The following BCAS1 variants were observed in gnomAD, a reference collection of about 807,000 sequenced individuals.
BCAS1 encodes breast carcinoma-amplified sequence 1.
Under a neutral mutation model 65.4 loss-of-function variants are expected in BCAS1, and 46 were observed. That is an observed-to-expected ratio of 0.70 (90% CI 0.55 to 0.90). BCAS1 has a LOEUF of 0.90. BCAS1 is among the 40% of genes least tolerant of loss of function. The probability of loss-of-function intolerance (pLI) is 0.00; values close to 1 mark genes in which losing one functional copy is unlikely to be tolerated. For missense variants in BCAS1, 793 were observed against 771.2 expected, an observed-to-expected ratio of 1.03 and a Z score of -0.33; for synonymous variants, 298 against 293.5, an observed-to-expected ratio of 1.02 and a Z score of -0.16.
Position 53,972,392 on chromosome 20 carries a change from GC to G in BCAS1, c.1317+2996del, listed in dbSNP as rs975738554. Among the ~76,000 whole-genome samples, 18 of 152,310 alleles carry G rather than the reference GC, an allele frequency of 1.2e-4. No homozygotes were observed. In the East Asian group the frequency reaches 3.5e-3, roughly 29 times the overall value. On this transcript the variant is annotated intron_variant, in intron 9 of 12. Coordinates refer to ENST00000688948, the MANE Select transcript of BCAS1 (RefSeq NM_001366298.2). ...AGAAAATCACCGATTACTGGGACATGCTCACTCACTATGTTGTCTCTTATTT... is the reference window on the plus strand; with the variant it reads ...AGAAAATCACCGATTACTGGGACATGTCACTCACTATGTTGTCTCTTATTT...
intron 3 of BCAS1, among the ~76,000 whole-genome samples, chr20:54,043,291 G>C (rs1418090418): frequency 1.4e-5 from 2 of 140,356 alleles, no homozygotes; most frequent in African/African-American, 5.5e-5. Flanking sequence ...TTGAAGCTAT[G>C]ATAACTTGAT....
chr20:54,043,359 AGAGGGATTT>A (rs1461509904), intron 3 of BCAS1, among the ~76,000 whole-genome samples: 14 of 152,040 alleles, frequency 9.2e-5, no homozygotes, highest in Admixed American at 9.2e-4. Context: ...CCATCTTTTT[AGAGGGATTT>A]GAGGTAGGGA....
At chr20:54,047,012 T>C (rs2092121710) in intron 3 of BCAS1, among the ~76,000 whole-genome samples, 1 of 152,178 alleles carries the variant, frequency 6.6e-6, no homozygotes, top group Admixed American at 6.5e-5. Flanking sequence ...CTGGTTCCTA[T>C]GGTCCTTCCT....
At chr20:54,029,819 C>A (rs1292546160) in intron 3 of BCAS1, among the ~76,000 whole-genome samples, 2 of 152,202 alleles carry the variant, frequency 1.3e-5, no homozygotes, top group African/African-American at 4.8e-5. Flanking sequence ...AGCTAGTAAG[C>A]AGCAGAGTCT....
intron 8 of BCAS1, among the ~76,000 whole-genome samples, chr20:53,979,671 CAT>C (rs2090428564): frequency 6.6e-6 from 1 of 152,166 alleles, no homozygotes; most frequent in Admixed American, 6.5e-5. Context: ...CCAGTAGGGA[CAT>C]ATGGCAGCCC....
chr20:53,996,156 AC>A lies in BCAS1; in HGVS notation c.724-107del. 5.7e-6 allele frequency: 7 copies of A among 1,228,486 alleles called. No homozygotes were observed. The South Asian group carries it at 1.2e-4, about 20-fold the overall frequency. The allele number at this position is 1,228,486 out of a possible 1,614,324, so 76.1% of individuals were successfully genotyped here. A position where few individuals can be genotyped will look rare whatever the true frequency, so the allele number is the denominator to read the frequency against. ...TCTCTTACCCCCTAATTCCAGCCATACTTCTTCTGCCCACAGGCGTGCAGAA... is the reference window on the plus strand; with the variant it reads ...TCTCTTACCCCCTAATTCCAGCCATATTCTTCTGCCCACAGGCGTGCAGAA... On this transcript the variant is annotated intron_variant, in intron 4 of 12. Transcript: ENST00000688948.
At chr20:54,017,279 T>C (rs997711765) in intron 4 of BCAS1, among the ~76,000 whole-genome samples, 5 of 152,150 alleles carry the variant, frequency 3.3e-5, no homozygotes, top group Admixed American at 3.3e-4. Context: ...AATTAAGCAA[T>C]AAAATGTTCT....
chr20:54,047,542 C>G (rs1047418205), intron 3 of BCAS1, among the ~76,000 whole-genome samples: 6 of 152,142 alleles, frequency 3.9e-5, no homozygotes, highest in Non-Finnish European at 8.8e-5. Flanking sequence ...TGCTCACTCC[C>G]AAGGAAGACA....
intron 1 of BCAS1, among the ~76,000 whole-genome samples, chr20:54,061,784 A>C (rs66593006): frequency 0.14 from 21,146 of 152,176 alleles, 1,945 homozygotes; most frequent in East Asian, 0.32. Flanking sequence ...CTATTTATAA[A>C]ATCCGTGACT....
rs35997009 is a variant in BCAS1, at chr20:54,018,401, CTTTT to C, written c.723+9987_723+9990del. Among the ~76,000 whole-genome samples the C allele has an allele frequency of 3.2e-3, 431 of 136,366 alleles. 2 individuals are homozygous for C. Among genetic ancestry groups the C allele is most frequent in the African/African-American group, 0.011 (412 of 37,342 alleles). The allele number at this position is 136,366 out of a possible 152,430, so 89.5% of individuals were successfully genotyped here. ...ATGAATAAATGAAAGTATCCACTTA[CTTTT>C]TTTTTTTTTTTTTCGAGACAGAGTC... On this transcript the variant is annotated intron_variant, in intron 4 of 12. Coordinates refer to ENST00000688948, the MANE Select transcript of BCAS1 (RefSeq NM_001366298.2).
chr20:53,965,710 G>A (rs982020926), intron 10 of BCAS1, among the ~76,000 whole-genome samples: 4 of 151,750 alleles, frequency 2.6e-5, no homozygotes, highest in African/African-American at 7.3e-5. Context: ...TGTCACTCAC[G>A]TCACCTTCAG....
chr20:54,056,785 A>G (rs950229672), intron 3 of BCAS1, among the ~76,000 whole-genome samples: 1 of 152,232 alleles, frequency 6.6e-6, no homozygotes, highest in Admixed American at 6.5e-5. Context: ...TACTCAGGAA[A>G]GGAAACTGAA....
intron 6 of BCAS1, 114 bp downstream of exon 6, chr20:53,994,888 TACACACACAC>T (rs11471603): frequency 3.6e-3 from 2,002 of 551,414 alleles, no homozygotes; most frequent in South Asian, 6.3e-3. Flanking sequence ...ATAGATATGA[TACACACACAC>T]ACACACACAC....
chr20:54,001,864 T>C (rs1286046438), intron 4 of BCAS1, among the ~76,000 whole-genome samples: 1 of 152,182 alleles, frequency 6.6e-6, no homozygotes, highest in Non-Finnish European at 1.5e-5. Context: ...CCATTGGCAG[T>C]TACATTAGGT....
chr20:53,985,635 T>C (rs1256189318), intron 7 of BCAS1, 136 bp from the exon 8 acceptor site: 3 of 764,568 alleles, frequency 3.9e-6, no homozygotes, highest in Non-Finnish European at 6.0e-6. Flanking sequence ...TTCTGTATTT[T>C]AAAAATTTTT....
intron 3 of BCAS1, among the ~76,000 whole-genome samples, chr20:54,045,064 T>C (rs1487948073): frequency 6.6e-6 from 1 of 151,464 alleles, no homozygotes; most frequent in African/African-American, 2.4e-5. Flanking sequence ...ACTAAAAAAT[T>C]AGCCAGGTGT....
At chr20:54,041,288 C>T (rs535814139) in intron 3 of BCAS1, among the ~76,000 whole-genome samples, 6 of 151,336 alleles carry the variant, frequency 4.0e-5, no homozygotes, top group East Asian at 1.9e-4. Flanking sequence ...CTTAAAATCA[C>T]GGAATTGTCA....
At chr20:54,004,516 T>C (rs929909760) in intron 4 of BCAS1, among the ~76,000 whole-genome samples, 5 of 152,220 alleles carry the variant, frequency 3.3e-5, no homozygotes, top group African/African-American at 1.2e-4. Flanking sequence ...ATTACATGAA[T>C]AACTGAACAG....
In BCAS1 at chr20:53,980,597, T is replaced by C. The variant is rs761224116; in HGVS notation, c.1275+4690A>G. 1.1e-4 allele frequency among the ~76,000 whole-genome samples: 16 copies of C among 152,362 alleles called. 1 individual carries two copies. The highest frequency in any genetic ancestry group is 2.1e-4 in the South Asian group (1 of 4,832). On this transcript the variant is annotated intron_variant, in intron 8 of 12. Transcript: ENST00000688948. The stretch of plus-strand genomic sequence containing the variant: ...ATCTTCTTTAATTTCTAGGTCTCTA[T>C]TGGAACATCTAATAAACTGTTGCTT...
Sources: allele counts gnomAD v4.1 joint callset (sites outside exome capture counted in the v4.1 genomes callset), GRCh38; gene constraint gnomAD v4.1.1; transcripts MANE v1.5; gene names NCBI Gene and HGNC (gene_info 2026-07-23, HGNC 2026-07-21).